The following MKX variants were observed in gnomAD, a reference collection of about 807,000 sequenced individuals.
The protein encoded by MKX is homeobox protein Mohawk.
Under a neutral mutation model 36.0 loss-of-function variants are expected in MKX, and 13 were observed. The observed-to-expected ratio is 0.36, with a 90% confidence interval of 0.24 to 0.57. The LOEUF (loss-of-function observed/expected upper bound fraction) is 0.57, where lower values mean the gene tolerates loss of function less well. Among genes scored for constraint, MKX ranks in the 20% least tolerant of loss-of-function variants. The pLI, the probability that MKX is intolerant of heterozygous loss-of-function variation, is 0.79. For synonymous variants in MKX, 176 were observed against 178.3 expected (o/e 0.99, Z 0.10); for missense variants, 458 against 456.4 (o/e 1.00, Z -0.03).
intron 5 of MKX, among the ~76,000 whole-genome samples, chr10:27,712,343 T>C (rs1463117821): frequency 6.6e-6 from 1 of 152,182 alleles, no homozygotes; most frequent in Non-Finnish European, 1.5e-5. Flanking sequence ...AAACGCCTTA[T>C]AAGGAAGGTG....
In MKX at chr10:27,675,520, C is replaced by T; in HGVS notation, c.872+1G>A. The T allele has an allele frequency of 6.2e-6, 10 of 1,614,148 alleles. No individual in the cohort carries two copies. The highest frequency in any genetic ancestry group is 8.5e-6 in the Non-Finnish European group (10 of 1,180,018). On this transcript the variant is annotated splice_donor_variant, in intron 6 of 6. Transcript: ENST00000419761. LOFTEE classifies it high-confidence loss of function. ...ACGGCCAATGGGAACATTTTGCTCACCTTTCACCCTTATTGGATCCGTTTT... is the reference window on the plus strand; with the variant it reads ...ACGGCCAATGGGAACATTTTGCTCATCTTTCACCCTTATTGGATCCGTTTT...
intron 1 of MKX, chr10:27,745,403 C>A (rs1835031074): frequency 6.5e-6 from 1 of 152,704 alleles, no homozygotes; most frequent in Non-Finnish European, 1.5e-5. Flanking sequence ...ACCCGCGCCT[C>A]TTCTCAAATC....
In MKX at chr10:27,673,211, AATC is replaced by A; in HGVS notation, c.*2015_*2017del. On this transcript the variant is annotated 3_prime_UTR_variant, in exon 7 of 7. Transcript: ENST00000419761. ...TCTTCCAACCTTTGGTATTAAAAAA[AATC>A]ATGTGAATAGTTGTCCTATATTGCC... 1 of 152,356 alleles carries A rather than the reference AATC, an allele frequency of 6.6e-6. No individual in the cohort carries two copies. Among genetic ancestry groups the A allele is most frequent in the East Asian group, 1.9e-4 (1 of 5,192 alleles). 9.4% of individuals were successfully genotyped at this position (152,356 alleles called of 1,614,324 possible).
At chr10:27,685,764 C>A (rs1836336107) in intron 5 of MKX, among the ~76,000 whole-genome samples, 1 of 152,086 alleles carries the variant, frequency 6.6e-6, no homozygotes, top group Non-Finnish European at 1.5e-5. Flanking sequence ...AGAGCGATTT[C>A]TAATCGAAGT....
chr10:27,715,454 C>A (rs1193791019), intron 5 of MKX, among the ~76,000 whole-genome samples: 1 of 152,138 alleles, frequency 6.6e-6, no homozygotes, highest in Admixed American at 6.5e-5. Context: ...GATGAGGGTG[C>A]TACGTGGCTG....
chr10:27,722,248 G>C (rs1487240909), intron 5 of MKX, among the ~76,000 whole-genome samples: 1 of 152,150 alleles, frequency 6.6e-6, no homozygotes, highest in East Asian at 1.9e-4. Context: ...CCACTGGGCA[G>C]AGTCCTTTAC....
At position 27,741,587 on chromosome 10, in the gene MKX, C is replaced by T. The variant is rs1834898725; in HGVS notation, c.189-83G>A. On this transcript the variant is annotated intron_variant, in intron 2 of 6. Transcript: ENST00000419761. The surrounding 1 kb of genome is among the most constrained non-coding windows in gnomAD (Gnocchi z 5.1). ...CTCCACGCCCCGGCCAAGCCCGGGC[C>T]CCGCATCCAAACTGCGCATTCCTGC... is the stretch of plus-strand genomic sequence containing the variant. 1 of 1,451,848 alleles carries T rather than the reference C, an allele frequency of 6.9e-7. No individual in the cohort carries two copies. The highest frequency in any genetic ancestry group is 1.4e-5 in the South Asian group (1 of 70,322). 89.9% of individuals were successfully genotyped at this position (1,451,848 alleles called of 1,614,324 possible). A position where few individuals can be genotyped will look rare whatever the true frequency, so the allele number is the denominator to read the frequency against.
intron 5 of MKX, among the ~76,000 whole-genome samples, chr10:27,688,130 T>C (rs1219944672): frequency 6.6e-6 from 1 of 151,554 alleles, no homozygotes; most frequent in Non-Finnish European, 1.5e-5. Context: ...TCATATTTTA[T>C]AAAACACTTA....
intron 5 of MKX, among the ~76,000 whole-genome samples, chr10:27,682,036 C>A (rs1227042866): frequency 6.6e-6 from 1 of 152,170 alleles, no homozygotes; most frequent in Non-Finnish European, 1.5e-5. Context: ...GTTATTGCCC[C>A]TGAAGACCTT....
At chr10:27,684,503 C>G (rs1037755354) in intron 5 of MKX, among the ~76,000 whole-genome samples, 6 of 152,122 alleles carry the variant, frequency 3.9e-5, no homozygotes, top group Non-Finnish European at 1.5e-5. Flanking sequence ...GCCTTCCAAA[C>G]AAGTATTATA....
At chr10:27,732,746 T>C (rs186694974) in intron 5 of MKX, among the ~76,000 whole-genome samples, 1 of 152,140 alleles carries the variant, frequency 6.6e-6, no homozygotes, top group South Asian at 2.1e-4. Context: ...TGTTAATATG[T>C]AGTGTCTTCA....
rs1452509953 is a variant in MKX, at chr10:27,742,340, C to A, written c.189-836G>T. On this transcript the variant is annotated intron_variant, in intron 2 of 6. Transcript: ENST00000419761. This position sits in a 1 kb window ranked among gnomAD's most constrained non-coding sequence, Gnocchi z 4.2. ...GCCCAGCCGCTCCCCGAGGCTTGCG[C>A]GCCTGCGCCGGAGCCTCCTGGGTTT... Among the ~76,000 whole-genome samples the A allele has an allele frequency of 6.6e-6, 1 of 152,180 alleles. No homozygotes were observed. Among genetic ancestry groups the A allele is most frequent in the African/African-American group, 2.4e-5 (1 of 41,460 alleles).
At chr10:27,740,684 G>T (rs762377279) in intron 3 of MKX, among the ~76,000 whole-genome samples, 5 of 152,146 alleles carry the variant, frequency 3.3e-5, no homozygotes, top group Non-Finnish European at 5.9e-5. Flanking sequence ...TCTGAAATCT[G>T]CCTCCTCTCC....
At chr10:27,711,977 A>G (rs2132595998) in intron 5 of MKX, among the ~76,000 whole-genome samples, 2 of 152,112 alleles carry the variant, frequency 1.3e-5, no homozygotes, top group Non-Finnish European at 2.9e-5. Flanking sequence ...GGATCAACTG[A>G]CCTGTTTTCT....
intron 5 of MKX, among the ~76,000 whole-genome samples, chr10:27,714,874 T>C (rs879382292): frequency 6.6e-6 from 1 of 152,240 alleles, no homozygotes; most frequent in African/African-American, 2.4e-5. Flanking sequence ...GGTGCAACTT[T>C]ATTTTCTGTG....
At chr10:27,678,367 T>C (rs956841893) in intron 5 of MKX, among the ~76,000 whole-genome samples, 2 of 152,168 alleles carry the variant, frequency 1.3e-5, no homozygotes, top group Non-Finnish European at 2.9e-5. Context: ...AGTGAAGCAA[T>C]AGGTTATGGA....
chr10:27,701,679 G>A (rs998008689), intron 5 of MKX, among the ~76,000 whole-genome samples: 2 of 138,802 alleles, frequency 1.4e-5, no homozygotes, highest in African/African-American at 5.3e-5. Flanking sequence ...ATTTTATATT[G>A]TATAAATATA....
intron 5 of MKX, among the ~76,000 whole-genome samples, chr10:27,685,956 A>T (rs1379222075): frequency 1.3e-5 from 2 of 152,196 alleles, no homozygotes; most frequent in African/African-American, 4.8e-5. Flanking sequence ...AAAAAAAGGA[A>T]GAAAAGAAAA....
intron 5 of MKX, among the ~76,000 whole-genome samples, chr10:27,705,884 A>G (rs1195979876): frequency 6.6e-6 from 1 of 152,226 alleles, no homozygotes; most frequent in Non-Finnish European, 1.5e-5. Flanking sequence ...TATACATAAC[A>G]TAAAATGTAT....
Sources: allele counts gnomAD v4.1 joint callset (sites outside exome capture counted in the v4.1 genomes callset), GRCh38; gene constraint gnomAD v4.1.1; non-coding constraint Gnocchi (gnomAD v3.1); transcripts MANE v1.5; gene names NCBI Gene and HGNC (gene_info 2026-07-23, HGNC 2026-07-21).